Variants in CSNK1E observed in about 807,000 individuals in gnomAD.
The protein encoded by CSNK1E is casein kinase I isoform epsilon.
In CSNK1E, 17 loss-of-function variants were observed where a neutral mutation model predicts 46.1. The observed-to-expected ratio is 0.37, with a 90% CI of 0.25 to 0.55. The LOEUF (loss-of-function observed/expected upper bound fraction) is 0.55. CSNK1E is among the 20% of genes least tolerant of loss of function. CSNK1E has a pLI of 0.82. For synonymous variants in CSNK1E, 241 were observed against 242.6 expected (o/e 0.99, Z 0.06); for missense variants, 386 against 595.4 (o/e 0.65, Z 3.66).
chr22:38,290,951 A>T lies in CSNK1E; in HGVS notation c.*1020T>A, dbSNP rs1056613120. On this transcript the variant is annotated 3_prime_UTR_variant, in exon 11 of 11. Coordinates refer to ENST00000396832, the MANE Select transcript of CSNK1E (RefSeq NM_152221.3). Reference sequence around the variant, plus strand: ...AACAAAAATAAAATAAAATAAAAACAAAAAGGTGTTAACTAGGAAGGATGG... The same window carrying T: ...AACAAAAATAAAATAAAATAAAAACTAAAAGGTGTTAACTAGGAAGGATGG... 1.3e-5 allele frequency: 2 copies of T among 152,424 alleles called. No homozygotes were observed. The highest frequency in any genetic ancestry group is 2.9e-5 in the Non-Finnish European group (2 of 68,026). The allele number at this position is 152,424 out of a possible 1,614,324, so 9.4% of individuals were successfully genotyped here.
intron 4 of CSNK1E, among the ~76,000 whole-genome samples, chr22:38,302,502 T>C (rs1185897046): frequency 6.6e-6 from 1 of 152,110 alleles, no homozygotes; most frequent in East Asian, 1.9e-4. Context: ...CCCAGCACTT[T>C]GAGAGGCTAA....
Position 38,294,927 on chromosome 22 carries a change from G to A in CSNK1E, c.886-393C>T, listed in dbSNP as rs535543084. Among the ~76,000 whole-genome samples the A allele has an allele frequency of 5.3e-5, 8 of 152,308 alleles. No homozygotes were observed. In the East Asian group the frequency reaches 7.7e-4, roughly 15 times the overall value. ...CTTAACTACTCAAGGTTGCTAAACC[G>A]AGCAGGAAAGCTGTTTAGAGGCCTC... On this transcript the variant is annotated intron_variant, in intron 7 of 10. Coordinates refer to ENST00000396832, the MANE Select transcript of CSNK1E (RefSeq NM_152221.3). The surrounding 1 kb of genome is among the most constrained non-coding windows in gnomAD (Gnocchi z 5.5).
At chr22:38,305,300 G>GTATTCTTTGCATCCA (rs1320121315) in intron 2 of CSNK1E, among the ~76,000 whole-genome samples, 4 of 151,956 alleles carry the variant, frequency 2.6e-5, no homozygotes, top group Admixed American at 2.0e-4. Context: ...TATTCTATAC[G>GTATTCTTTGCATCCA]TATTCTTTGC....
Position 38,309,028 on chromosome 22 carries a change from A to C in CSNK1E, c.76+5054T>G, listed in dbSNP as rs1176486961. ...GCACTACTGACACTGGAGCTGGAGAATTCCTGGTTGTGGGGCTGCCCTGGG... is the reference window on the plus strand; with the variant it reads ...GCACTACTGACACTGGAGCTGGAGACTTCCTGGTTGTGGGGCTGCCCTGGG... On this transcript the variant is annotated intron_variant, in intron 2 of 10. Coordinates refer to ENST00000396832, the MANE Select transcript of CSNK1E (RefSeq NM_152221.3). This position sits in a 1 kb window ranked among gnomAD's most constrained non-coding sequence, Gnocchi z 4.8. Among the ~76,000 whole-genome samples, 4 of 152,164 alleles carry C rather than the reference A, an allele frequency of 2.6e-5. No individual in the cohort carries two copies. The highest frequency in any genetic ancestry group is 5.9e-5 in the Non-Finnish European group (4 of 68,024).
At position 38,312,500 on chromosome 22, in the gene CSNK1E, C is replaced by T. The variant is rs183082286; in HGVS notation, c.76+1582G>A. Among the ~76,000 whole-genome samples the T allele has an allele frequency of 8.5e-5, 13 of 152,304 alleles. No individual in the cohort carries two copies. In the East Asian group the frequency reaches 1.2e-3, roughly 14 times the overall value. ...ACTAGCCTTCAGTGAACACCCACTG[C>T]GCTGGGCACTAGCAGATATTACCAA... On this transcript the variant is annotated intron_variant, in intron 2 of 10. Coordinates refer to ENST00000396832, the MANE Select transcript of CSNK1E (RefSeq NM_152221.3).
chr22:38,311,005 C>T (rs1050744227), intron 2 of CSNK1E, among the ~76,000 whole-genome samples: 5 of 152,216 alleles, frequency 3.3e-5, no homozygotes, highest in African/African-American at 1.2e-4. Context: ...TGAGTCAGGG[C>T]AGGGTCCCCT....
rs141143438 is a variant in CSNK1E at position 38,291,278 on chromosome 22, G to A, written c.*693C>T. ...AGTAGACACAGGAGAACGGGAATTC[G>A]GGCTGGCAGGCGGGGCGGGCCGTGG... On this transcript the variant is annotated 3_prime_UTR_variant, in exon 11 of 11. Transcript: ENST00000396832. 6.5e-3 allele frequency: 997 copies of A among 152,972 alleles called. 10 individuals are homozygous for A. Among genetic ancestry groups the A allele is most frequent in the Non-Finnish European group, 8.3e-3 (567 of 68,640 alleles). The allele number at this position is 152,972 out of a possible 1,614,324, so 9.5% of individuals were successfully genotyped here. A position where few individuals can be genotyped will look rare whatever the true frequency, so the allele number is the denominator to read the frequency against.
chr22:38,314,859 CA>C (rs1360144890), intron 1 of CSNK1E, among the ~76,000 whole-genome samples: 4 of 152,152 alleles, frequency 2.6e-5, no homozygotes, highest in Non-Finnish European at 4.4e-5. Flanking sequence ...TCCTCAGGGC[CA>C]GGGGGGAGCC....
At position 38,299,903 on chromosome 22, in the gene CSNK1E, C is replaced by G. The variant is rs749189607; in HGVS notation, c.728G>C (p.Gly243Ala). 1 of 1,614,040 alleles carries G rather than the reference C, an allele frequency of 6.2e-7. No homozygotes were observed. The highest frequency in any genetic ancestry group is 1.1e-5 in the South Asian group (1 of 91,060). ...MSTPIEVLCK[G>A]YPSEFSTYLN... is the part of the protein sequence containing the mutation. ...CCCACTGGGCTACTCACAGGGATAG[C>G]CTTTGCAGAGGACCTCGATGGGCGT... The change falls in exon 6 of 11, where the codon GGC becomes GCC. Residue 243 changes from glycine (G) to alanine (A), a missense_variant. Coordinates refer to ENST00000396832, the MANE Select transcript of CSNK1E (RefSeq NM_152221.3).
intron 7 of CSNK1E, chr22:38,296,542 C>T: frequency 6.2e-7 from 1 of 1,610,834 alleles, no homozygotes; most frequent in Non-Finnish European, 8.5e-7. Flanking sequence ...CAGCTCACTA[C>T]AGTGGCCGTG....
rs539222889 is a variant in CSNK1E at position 38,291,006 on chromosome 22, G to C, written c.*965C>G. ...ATCCAAAACCCAGCCCTGACTCCAG[G>C]CTCCTCCTCAGAAAGGTGGAACCAG... On this transcript the variant is annotated 3_prime_UTR_variant, in exon 11 of 11. Transcript: ENST00000396832. 6.6e-6 allele frequency: 1 copy of C among 152,360 alleles called. No individual in the cohort carries two copies. Among genetic ancestry groups the C allele is most frequent in the Non-Finnish European group, 1.5e-5 (1 of 68,036 alleles). 9.4% of individuals were successfully genotyped at this position (152,360 alleles called of 1,614,324 possible).
At chr22:38,307,417 G>A (rs964874629) in intron 2 of CSNK1E, among the ~76,000 whole-genome samples, 2 of 151,772 alleles carry the variant, frequency 1.3e-5, no homozygotes, top group Non-Finnish European at 2.9e-5. Context: ...AGGTGCTCCC[G>A]TGGGAGCGCC....
At chr22:38,308,987 G>C (rs1472036678) in intron 2 of CSNK1E, among the ~76,000 whole-genome samples, 1 of 152,192 alleles carries the variant, frequency 6.6e-6, no homozygotes, top group Non-Finnish European at 1.5e-5. Context: ...TGTGATCACA[G>C]GATCTCTCAA....
rs1602543664 is a variant in CSNK1E, at chr22:38,297,133, C to CAT, written c.885+1652_885+1653insAT. On this transcript the variant is annotated intron_variant, in intron 7 of 10. Coordinates refer to ENST00000396832, the MANE Select transcript of CSNK1E (RefSeq NM_152221.3). Reference sequence around the variant, plus strand: ...AAAATGTGTCGCATGTGGCCAATGGCTACCATCTTGGACAGTGTCCGTCTA... The same window carrying CAT: ...AAAATGTGTCGCATGTGGCCAATGGCATTACCATCTTGGACAGTGTCCGTCTA... 3.9e-6 allele frequency: 3 copies of CAT among 779,020 alleles called. No individual in the cohort carries two copies. The East Asian group carries it at 7.3e-5, about 19-fold the overall frequency. 48.3% of individuals were successfully genotyped at this position (779,020 alleles called of 1,614,324 possible).
At chr22:38,315,517 G>A (rs1012850641) in intron 1 of CSNK1E, among the ~76,000 whole-genome samples, 1 of 152,132 alleles carries the variant, frequency 6.6e-6, no homozygotes, top group Non-Finnish European at 1.5e-5. Flanking sequence ...CACAGTCCAC[G>A]TTTGCAGGAA....
At chr22:38,301,825 T>C (rs547907022) in intron 4 of CSNK1E, among the ~76,000 whole-genome samples, 2 of 152,208 alleles carry the variant, frequency 1.3e-5, no homozygotes, top group East Asian at 3.9e-4. Flanking sequence ...CCTGCACCTT[T>C]CTTGAGTTTC....
At chr22:38,314,862 G>T (rs770651917) in intron 1 of CSNK1E, among the ~76,000 whole-genome samples, 2 of 152,144 alleles carry the variant, frequency 1.3e-5, no homozygotes, top group Non-Finnish European at 2.9e-5. Flanking sequence ...TCAGGGCCAG[G>T]GGGGAGCCCT....
intron 7 of CSNK1E, chr22:38,296,788 TG>T: frequency 1.4e-6 from 2 of 1,426,416 alleles, no homozygotes; most frequent in Admixed American, 4.2e-5. Flanking sequence ...ATGAAGGAAA[TG>T]GTCCCATCTG....
At chr22:38,293,399 C>T (rs548872924) in intron 9 of CSNK1E, 80 bp from the exon 10 acceptor site, 37 of 897,544 alleles carry the variant, frequency 4.1e-5, no homozygotes, top group Admixed American at 3.0e-4. Context: ...TAGCCGCTGG[C>T]GATAGAGATT....
Sources: gnomAD v4.1 joint callset for allele counts (sites outside exome capture counted in the v4.1 genomes callset) on GRCh38, gnomAD v4.1.1 for gene constraint, Gnocchi (gnomAD v3.1) non-coding constraint, MANE v1.5 for transcripts, NCBI Gene and HGNC (gene_info 2026-07-23, HGNC 2026-07-21) for gene names.